Variants in ACVR1C observed in about 807,000 individuals in gnomAD.
ACVR1C encodes activin A receptor type 1C.
Under a neutral mutation model 57.9 loss-of-function variants are expected in ACVR1C, and 23 were observed. The ratio of observed to expected loss-of-function variants is 0.40; its 90% CI spans 0.29 to 0.56. The LOEUF (loss-of-function observed/expected upper bound fraction) is 0.56, where lower values mean the gene tolerates loss of function less well. Among genes scored for constraint, ACVR1C ranks in the 20% least tolerant of loss-of-function variants. ACVR1C has a pLI of 0.50. For missense variants in ACVR1C, 480 were observed against 607.9 expected, an observed-to-expected ratio of 0.79 and a Z score of 2.21; for synonymous variants, 214 against 215.3, an observed-to-expected ratio of 0.99 and a Z score of 0.05.
intron 1 of ACVR1C, among the ~76,000 whole-genome samples, chr2:157,597,937 A>G (rs1682177115): frequency 6.6e-6 from 1 of 152,222 alleles, no homozygotes; most frequent in Non-Finnish European, 1.5e-5. Flanking sequence ...GATTCCACCT[A>G]TCCAAATATT....
At chr2:157,619,592 G>C (rs747145780) in intron 1 of ACVR1C, among the ~76,000 whole-genome samples, 50 of 152,000 alleles carry the variant, frequency 3.3e-4, no homozygotes, top group Non-Finnish European at 6.6e-4. Flanking sequence ...AGAGTTAAGT[G>C]GATGCAACAG....
At chr2:157,572,381 A>T (rs940263837) in intron 2 of ACVR1C, among the ~76,000 whole-genome samples, 2 of 123,474 alleles carry the variant, frequency 1.6e-5, no homozygotes, top group Admixed American at 9.0e-5. Flanking sequence ...AAAAAAATTA[A>T]AAAAAAAAAA....
intron 1 of ACVR1C, among the ~76,000 whole-genome samples, chr2:157,613,724 A>G (rs1313803295): frequency 6.6e-6 from 1 of 152,204 alleles, no homozygotes; most frequent in African/African-American, 2.4e-5. Flanking sequence ...CCACAAGAAA[A>G]TAATGTATTA....
chr2:157,533,772 T>A lies in ACVR1C; in HGVS notation c.*146A>T, dbSNP rs1341029642. On this transcript the variant is annotated 3_prime_UTR_variant, in exon 9 of 9. Transcript: ENST00000243349. Reference sequence around the variant, plus strand: ...CTGCCCATGCTTAACTTTAGAGTTATCTTTTCATGCTGCCTTATGGGCACT... The same window carrying A: ...CTGCCCATGCTTAACTTTAGAGTTAACTTTTCATGCTGCCTTATGGGCACT... 3.3e-5 allele frequency: 22 copies of A among 673,326 alleles called. No individual in the cohort carries two copies. The highest frequency in any genetic ancestry group is 4.1e-5 in the Admixed American group (1 of 24,316). 41.7% of individuals were successfully genotyped at this position (673,326 alleles called of 1,614,324 possible). A position where few individuals can be genotyped will look rare whatever the true frequency, so the allele number is the denominator to read the frequency against.
chr2:157,544,600 C>A lies in ACVR1C; in HGVS notation c.788G>T (p.Trp263Leu). Residue 263 changes from tryptophan to leucine, a missense_variant, in exon 5 of 9, where the codon TGG becomes TTG. Transcript: ENST00000243349. ...TTCAGATACCAGCCAAAGTTGAGTC[C>A]AAGTTCCATTATCTAACAAGAAAAT... is the stretch of plus-strand genomic sequence containing the variant. ...IAADNKDNGT[W>L]TQLWLVSEYH... 3 of 1,608,454 alleles carry A rather than the reference C, an allele frequency of 1.9e-6. No individual in the cohort carries two copies. The highest frequency in any genetic ancestry group is 1.7e-5 in the Admixed American group (1 of 58,942).
At chr2:157,548,333 C>T (rs1241650524) in intron 4 of ACVR1C, among the ~76,000 whole-genome samples, 13 of 140,934 alleles carry the variant, frequency 9.2e-5, no homozygotes, top group African/African-American at 3.2e-4. Context: ...GAATCAATAT[C>T]GTGAAAATGG....
chr2:157,577,478 G>A (rs1031999249), intron 2 of ACVR1C, among the ~76,000 whole-genome samples: 2 of 151,830 alleles, frequency 1.3e-5, no homozygotes, highest in Non-Finnish European at 2.9e-5. Context: ...AAAAATCCCT[G>A]GTAAACTGAA....
At chr2:157,606,997 G>A (rs1682414767) in intron 1 of ACVR1C, among the ~76,000 whole-genome samples, 1 of 151,606 alleles carries the variant, frequency 6.6e-6, no homozygotes, top group Non-Finnish European at 1.5e-5. Context: ...TATACAGTGA[G>A]GACTAGGGGT....
chr2:157,574,396 T>C (rs1402697410), intron 2 of ACVR1C, among the ~76,000 whole-genome samples: 1 of 152,184 alleles, frequency 6.6e-6, no homozygotes, highest in Non-Finnish European at 1.5e-5. Context: ...TCCACCCTCC[T>C]GACCTAATCA....
chr2:157,563,053 C>G lies in ACVR1C; in HGVS notation c.305-6721G>C, dbSNP rs542779676. Among the ~76,000 whole-genome samples, 76 of 152,226 alleles carry G rather than the reference C, an allele frequency of 5.0e-4. 2 individuals are homozygous for G. The highest frequency in any genetic ancestry group is 4.6e-3 in the Admixed American group (71 of 15,294). On this transcript the variant is annotated intron_variant, in intron 2 of 8. Transcript: ENST00000243349. ...AAGCTGAAAGCATTCCCTTTGAAAA[C>G]CAGCACAAAACAAGGATGCTCTCTC...
chr2:157,615,381 T>G (rs1378092513), intron 1 of ACVR1C, among the ~76,000 whole-genome samples: 1 of 151,710 alleles, frequency 6.6e-6, no homozygotes, highest in African/African-American at 2.4e-5. Context: ...TTTTGTGGGT[T>G]TTGCCTGTTT....
At chr2:157,613,736 C>T (rs946671320) in intron 1 of ACVR1C, among the ~76,000 whole-genome samples, 7 of 152,108 alleles carry the variant, frequency 4.6e-5, no homozygotes, top group Non-Finnish European at 1.0e-4. Context: ...AATGTATTAT[C>T]CTGTTGTTAT....
At chr2:157,548,418 GA>G (rs1476483289) in intron 4 of ACVR1C, among the ~76,000 whole-genome samples, 1 of 147,424 alleles carries the variant, frequency 6.8e-6, no homozygotes, top group Non-Finnish European at 1.5e-5. Context: ...CACAGAATTG[GA>G]AAAAACTACT....
rs60269781 is a variant in ACVR1C, at chr2:157,555,101, C to CTTTTT, written c.544+987_544+991dup. On this transcript the variant is annotated intron_variant, in intron 3 of 8. Transcript: ENST00000243349. ...ATAATACAGCCTGGTACTTTGAACG[C>CTTTTT]TTTTTTTTTTTTTTTTTTTTTTTTT... Among the ~76,000 whole-genome samples, 16 of 83,946 alleles carry CTTTTT rather than the reference C, an allele frequency of 1.9e-4. 1 individual carries two copies. The highest frequency in any genetic ancestry group is 7.1e-4 in the African/African-American group (12 of 16,854). 55.1% of individuals were successfully genotyped at this position (83,946 alleles called of 152,430 possible).
rs1687251177 is a variant in ACVR1C at position 157,527,319 on chromosome 2, A to G, written c.*6599T>C. On this transcript the variant is annotated 3_prime_UTR_variant, in exon 9 of 9. Transcript: ENST00000243349. ...TTCCTTTGGGCCTGTCGGCTGAAAG[A>G]CAATCTTTTTACATACTTAAGAGTA... 1 of 152,170 alleles carries G rather than the reference A, an allele frequency of 6.6e-6. No homozygotes were observed. The highest frequency in any genetic ancestry group is 1.5e-5 in the Non-Finnish European group (1 of 68,016). 9.4% of individuals were successfully genotyped at this position (152,170 alleles called of 1,614,324 possible). A position where few individuals can be genotyped will look rare whatever the true frequency, so the allele number is the denominator to read the frequency against.
At chr2:157,600,690 A>G (rs999798653) in intron 1 of ACVR1C, among the ~76,000 whole-genome samples, 1 of 152,240 alleles carries the variant, frequency 6.6e-6, no homozygotes, top group African/African-American at 2.4e-5. Flanking sequence ...ACTATCCTAA[A>G]TAAGAAGCTG....
chr2:157,578,398 T>C (rs1688713585), intron 2 of ACVR1C, among the ~76,000 whole-genome samples: 1 of 152,234 alleles, frequency 6.6e-6, no homozygotes, highest in African/African-American at 2.4e-5. Flanking sequence ...TTAACTCCGT[T>C]GGCCCCTCTC....
intron 1 of ACVR1C, among the ~76,000 whole-genome samples, chr2:157,628,258 T>G (rs4664893): frequency 2.0e-5 from 3 of 151,750 alleles, no homozygotes; most frequent in Admixed American, 6.6e-5. Context: ...CGCTCTCCTA[T>G]TTTCTCCGCT....
At chr2:157,553,728 A>G (rs1687976876) in intron 3 of ACVR1C, among the ~76,000 whole-genome samples, 1 of 152,158 alleles carries the variant, frequency 6.6e-6, no homozygotes, top group Admixed American at 6.5e-5. Flanking sequence ...AACCTCTTGA[A>G]CCTTATAAAG....
Sources: gnomAD v4.1 joint callset for allele counts (sites outside exome capture counted in the v4.1 genomes callset) on GRCh38, gnomAD v4.1.1 for gene constraint, MANE v1.5 for transcripts, NCBI Gene and HGNC (gene_info 2026-07-23, HGNC 2026-07-21) for gene names.